Variants in MOBP observed in about 807,000 individuals in gnomAD.
MOBP encodes myelin-associated oligodendrocyte basic protein.
Under a neutral mutation model 15.0 loss-of-function variants are expected in MOBP, and 5 were observed. The ratio of observed to expected loss-of-function variants is 0.33; its 90% CI spans 0.17 to 0.70. The LOEUF (loss-of-function observed/expected upper bound fraction) is 0.70. Ranked by LOEUF, MOBP falls within the 30% of genes least tolerant of loss-of-function variation. MOBP has a pLI of 0.67. For synonymous variants in MOBP, 88 were observed against 99.0 expected (o/e 0.89, Z 0.66); for missense variants, 188 against 257.8 (o/e 0.73, Z 1.85).
At chr3:39,509,648 T>C (rs2043094563) in intron 4 of MOBP, among the ~76,000 whole-genome samples, 1 of 152,200 alleles carries the variant, frequency 6.6e-6, no homozygotes, top group South Asian at 2.1e-4. Flanking sequence ...TTTCTCCAGG[T>C]CTGTGACTTG....
At chr3:39,486,494 T>C (rs981755983) in intron 2 of MOBP, among the ~76,000 whole-genome samples, 2 of 152,168 alleles carry the variant, frequency 1.3e-5, no homozygotes, top group Non-Finnish European at 2.9e-5. Context: ...ACTATACATA[T>C]GTATAGTATA....
chr3:39,475,264 A>C (rs1018692586), intron 1 of MOBP, among the ~76,000 whole-genome samples: 9 of 152,194 alleles, frequency 5.9e-5, no homozygotes, highest in African/African-American at 2.2e-4. Context: ...CATATCAGAG[A>C]ATAAACGAGG....
chr3:39,480,814 G>T (rs1416299166), intron 2 of MOBP, among the ~76,000 whole-genome samples: 1 of 152,204 alleles, frequency 6.6e-6, no homozygotes, highest in Non-Finnish European at 1.5e-5. Context: ...TATCCACTCT[G>T]CTCATCCATC....
intron 3 of MOBP, among the ~76,000 whole-genome samples, chr3:39,521,074 G>C (rs1158414849): frequency 6.6e-6 from 1 of 151,864 alleles, no homozygotes; most frequent in Admixed American, 6.6e-5. Flanking sequence ...CTCAGCTCCC[G>C]AGGAGCTGGG....
chr3:39,475,762 AT>A (rs56926843), intron 1 of MOBP, among the ~76,000 whole-genome samples: 2,833 of 152,162 alleles, frequency 0.019, 68 homozygotes, highest in African/African-American at 0.063. Context: ...CCCTCTGAGC[AT>A]TTTCTGACAT....
chr3:39,528,205 G>A (rs1177684365), downstream of MOBP: 2 of 152,142 alleles, frequency 1.3e-5, no homozygotes, highest in East Asian at 3.8e-4. Flanking sequence ...TTTATAAGGA[G>A]ACTTTATCTG....
downstream of MOBP, among the ~76,000 whole-genome samples, chr3:39,506,615 G>A (rs972233761): frequency 3.9e-5 from 6 of 152,182 alleles, no homozygotes; most frequent in East Asian, 1.9e-4. Context: ...ACCAGTTCTC[G>A]TCAGACATTA....
chr3:39,515,000 GTGTGTGTGTGTGTGTA>G (rs1251599680), exon 5 of MOBP: 1 of 130,730 alleles, frequency 7.6e-6, no homozygotes, highest in African/African-American at 2.8e-5. Flanking sequence ...GTGTGTGTGT[GTGTGTGTGTGTGTGTA>G]TGTTGGGAAA....
chr3:39,513,345 C>T lies in MOBP; in HGVS notation c.*-38C>T. Reference sequence around the variant, plus strand: ...AAGAGAGAGAGTATACATCACCTACCTATGTCATGTGTTTTTCTTTTTCTC... The same window carrying T: ...AAGAGAGAGAGTATACATCACCTACTTATGTCATGTGTTTTTCTTTTTCTC... On this transcript the variant is annotated intron_variant, in intron 4 of 4. Coordinates refer to the MOBP transcript ENST00000311042. 3 of 1,584,168 alleles carry T rather than the reference C, an allele frequency of 1.9e-6. No individual in the cohort carries two copies. In the South Asian group the frequency reaches 3.3e-5, roughly 18 times the overall value.
chr3:39,476,653 T>C (rs2042549633), intron 1 of MOBP, among the ~76,000 whole-genome samples: 1 of 152,192 alleles, frequency 6.6e-6, no homozygotes, highest in South Asian at 2.1e-4. Flanking sequence ...TTCAGTGTGG[T>C]TATGTGATTC....
rs1373757030 is a variant in MOBP at position 39,502,863 on chromosome 3, G to C, written c.535G>C (p.Ala179Pro). The part of the protein sequence containing the change: ...GASRGGSPVK[A>P]SRFW ...CAGCCGTGGGGGGTCCCCCGTCAAAGCTTCTAGGTTCTGGTAACACCATCT... is the reference window on the plus strand; with the variant it reads ...CAGCCGTGGGGGGTCCCCCGTCAAACCTTCTAGGTTCTGGTAACACCATCT... The change falls in exon 4 of 4, where the codon GCT becomes CCT. Residue 179 changes from alanine to proline, a missense_variant. By Grantham distance (27) the Ala-to-Pro change is conservative. Around this residue, in one of 2 missense-constraint regions of MOBP, gnomAD observed 55 missense variants for 45.2 expected, o/e 1.22. Coordinates refer to ENST00000684792, the MANE Select transcript of MOBP (RefSeq NM_001393704.1). This position sits in a 1 kb window ranked among gnomAD's most constrained non-coding sequence, Gnocchi z 6.3. 5.1e-6 allele frequency: 7 copies of C among 1,368,136 alleles called. No individual in the cohort carries two copies. The South Asian group carries it at 9.3e-5, about 18-fold the overall frequency. The allele number at this position is 1,368,136 out of a possible 1,614,324, so 84.7% of individuals were successfully genotyped here. A position where few individuals can be genotyped will look rare whatever the true frequency, so the allele number is the denominator to read the frequency against.
chr3:39,506,153 C>A (rs548154884), downstream of MOBP, among the ~76,000 whole-genome samples: 44 of 152,240 alleles, frequency 2.9e-4, no homozygotes, highest in Middle Eastern at 3.4e-3. Flanking sequence ...TGTATCTTGT[C>A]TCTTTCTCAT....
downstream of MOBP, among the ~76,000 whole-genome samples, chr3:39,504,296 A>G (rs1266814303): frequency 6.6e-6 from 1 of 152,260 alleles, no homozygotes; most frequent in Non-Finnish European, 1.5e-5. Flanking sequence ...TAGAAAATGT[A>G]TGAAACAGAG....
chr3:39,468,716 G>GTA (rs1390469935), intron 1 of MOBP, among the ~76,000 whole-genome samples: 1,474 of 83,630 alleles, frequency 0.018, 52 homozygotes, highest in African/African-American at 0.094. Context: ...ATATGTGTGT[G>GTA]TATATACATA....
At chr3:39,486,377 T>A (rs187901533) in intron 2 of MOBP, among the ~76,000 whole-genome samples, 2 of 152,314 alleles carry the variant, frequency 1.3e-5, no homozygotes, top group East Asian at 1.9e-4. Context: ...TTCTAGGGTA[T>A]TTGTTCTAAT....
At chr3:39,484,393 A>C (rs1229671207) in intron 2 of MOBP, among the ~76,000 whole-genome samples, 1 of 152,202 alleles carries the variant, frequency 6.6e-6, no homozygotes, top group African/African-American at 2.4e-5. Context: ...GGCGACCCTT[A>C]AAGTTTTTGA....
chr3:39,504,699 A>T (rs1049764337), downstream of MOBP, among the ~76,000 whole-genome samples: 5 of 152,196 alleles, frequency 3.3e-5, no homozygotes, highest in African/African-American at 4.8e-5. Context: ...TCTTCAGGTA[A>T]TATATTGGAG....
intron 2 of MOBP, among the ~76,000 whole-genome samples, chr3:39,482,086 A>C (rs2042636751): frequency 6.6e-6 from 1 of 152,132 alleles, no homozygotes; most frequent in South Asian, 2.1e-4. Flanking sequence ...ACTTGAATCC[A>C]TTAAAAGTGA....
chr3:39,520,685 G>A (rs1334713493), downstream of MOBP, among the ~76,000 whole-genome samples: 1 of 152,072 alleles, frequency 6.6e-6, no homozygotes, highest in Non-Finnish European at 1.5e-5. Context: ...CGCTTCTTGT[G>A]TTTTGGGAAA....
Sources: gnomAD v4.1 joint callset for allele counts (sites outside exome capture counted in the v4.1 genomes callset) on GRCh38, gnomAD v4.1.1 for gene constraint, gnomAD v4.1.1 regional missense constraint, Gnocchi (gnomAD v3.1) non-coding constraint, MANE v1.5 for transcripts, NCBI Gene and HGNC (gene_info 2026-07-23, HGNC 2026-07-21) for gene names.